The following ZSWIM6 variants were observed in gnomAD, a reference collection of about 807,000 sequenced individuals.
ZSWIM6 encodes the protein zinc finger SWIM domain-containing protein 6.
ZSWIM6 carries 9 observed loss-of-function variants against 113.2 expected under a neutral mutation model. The ratio of observed to expected loss-of-function variants is 0.08; its 90% CI spans 0.05 to 0.14. The LOEUF (loss-of-function observed/expected upper bound fraction) is 0.14, where lower values mean the gene tolerates loss of function less well. ZSWIM6 is among the 10% of genes least tolerant of loss of function. ZSWIM6 has a pLI of 1.00. For synonymous variants in ZSWIM6, 611 were observed against 606.5 expected (o/e 1.01, Z -0.11); for missense variants, 1,162 against 1,552.2 (o/e 0.75, Z 4.22).
In ZSWIM6 at chr5:61,374,986, A is replaced by T. The variant is rs1292846617; in HGVS notation, c.676+42038A>T. 3 of 943,972 alleles carry T rather than the reference A, an allele frequency of 3.2e-6. No individual in the cohort carries two copies. In the East Asian group the frequency reaches 7.9e-5, roughly 25 times the overall value. 58.5% of individuals were successfully genotyped at this position (943,972 alleles called of 1,614,324 possible). On this transcript the variant is annotated intron_variant, in intron 1 of 13. Transcript: ENST00000252744. ...CTAAAATTAATATAGAAATGAGCAT[A>T]CAATAATAGGAACACTATGAAAAAG...
At chr5:61,346,119 G>GTT (rs889040869) in intron 1 of ZSWIM6, among the ~76,000 whole-genome samples, 4 of 147,714 alleles carry the variant, frequency 2.7e-5, no homozygotes, top group African/African-American at 7.5e-5. Context: ...TAATTTTTGT[G>GTT]TTTTTTTTTT....
intron 1 of ZSWIM6, among the ~76,000 whole-genome samples, chr5:61,450,081 A>C (rs973818756): frequency 1.3e-5 from 2 of 152,160 alleles, no homozygotes; most frequent in Non-Finnish European, 2.9e-5. Context: ...TATCCCTGTC[A>C]CCACCTCTCA....
At chr5:61,350,984 A>G (rs1289708904) in intron 1 of ZSWIM6, among the ~76,000 whole-genome samples, 1 of 152,218 alleles carries the variant, frequency 6.6e-6, no homozygotes, top group Non-Finnish European at 1.5e-5. Flanking sequence ...GTATTTTTCA[A>G]AAACTCTGTA....
At chr5:61,416,149 T>C (rs1476553154) in intron 1 of ZSWIM6, among the ~76,000 whole-genome samples, 1 of 152,186 alleles carries the variant, frequency 6.6e-6, no homozygotes, top group African/African-American at 2.4e-5. Context: ...CATTCCTTTG[T>C]TGCTGAATTA....
intron 1 of ZSWIM6, chr5:61,391,803 C>A: frequency 1.2e-6 from 1 of 868,216 alleles, no homozygotes; most frequent in Admixed American, 2.1e-5. Flanking sequence ...CATGATGCTT[C>A]CTGCTGCGCT....
chr5:61,497,304 T>C (rs568269886), intron 4 of ZSWIM6, among the ~76,000 whole-genome samples: 1 of 152,264 alleles, frequency 6.6e-6, no homozygotes, highest in Admixed American at 6.5e-5. Context: ...CCTGCTTACA[T>C]GTGATCTATG....
At chr5:61,416,589 A>G (rs903580544) in intron 1 of ZSWIM6, among the ~76,000 whole-genome samples, 6 of 152,218 alleles carry the variant, frequency 3.9e-5, no homozygotes, top group African/African-American at 1.4e-4. Context: ...TGCCAATGAG[A>G]TGAATCAAAG....
intron 1 of ZSWIM6, among the ~76,000 whole-genome samples, chr5:61,458,773 G>A (rs1379586786): frequency 6.6e-6 from 1 of 151,838 alleles, no homozygotes; most frequent in East Asian, 1.9e-4. Flanking sequence ...AGCTACTCGG[G>A]AGGCTGAGGC....
chr5:61,469,716 T>C (rs534606448), intron 1 of ZSWIM6, among the ~76,000 whole-genome samples: 3 of 152,240 alleles, frequency 2.0e-5, no homozygotes, highest in South Asian at 2.1e-4. Context: ...ACCTTTTTTT[T>C]TTAGACAGAG....
At chr5:61,464,219 C>T (rs1284491271) in intron 1 of ZSWIM6, among the ~76,000 whole-genome samples, 1 of 121,282 alleles carries the variant, frequency 8.2e-6, no homozygotes, top group Non-Finnish European at 1.6e-5. Context: ...GAGGTATCTC[C>T]ATGTTGGCCA....
chr5:61,399,172 G>C (rs970459600), intron 1 of ZSWIM6, among the ~76,000 whole-genome samples: 2 of 150,076 alleles, frequency 1.3e-5, no homozygotes, highest in African/African-American at 4.9e-5. Context: ...TGATCCACCC[G>C]CCTCAGCCTC....
intron 10 of ZSWIM6, among the ~76,000 whole-genome samples, chr5:61,538,211 G>T (rs932243546): frequency 3.3e-5 from 5 of 152,250 alleles, no homozygotes; most frequent in African/African-American, 1.2e-4. Context: ...TTTATCTTCT[G>T]TAATATGGTT....
chr5:61,527,633 A>C (rs943587647), intron 7 of ZSWIM6, among the ~76,000 whole-genome samples: 3 of 152,184 alleles, frequency 2.0e-5, no homozygotes, highest in Non-Finnish European at 4.4e-5. Context: ...TTTTTCTGAA[A>C]TCCTTCTTCC....
At chr5:61,374,433 T>G (rs1745326045) in intron 1 of ZSWIM6, among the ~76,000 whole-genome samples, 1 of 152,234 alleles carries the variant, frequency 6.6e-6, no homozygotes, top group Admixed American at 6.5e-5. Flanking sequence ...CATTATTGCC[T>G]GTGAGGAAGA....
chr5:61,397,634 A>T (rs530185396), intron 1 of ZSWIM6, among the ~76,000 whole-genome samples: 1 of 152,324 alleles, frequency 6.6e-6, no homozygotes, highest in South Asian at 2.1e-4. Context: ...CACATTGAAA[A>T]TTATAATCAA....
chr5:61,539,682 G>T lies in ZSWIM6; in HGVS notation c.2626G>T (p.Ala876Ser). 6.4e-7 allele frequency: 1 copy of T among 1,551,880 alleles called. No homozygotes were observed. The change falls in exon 12 of 14, where the codon GCA (alanine) becomes TCA (serine). Residue 876 changes from alanine (A) to serine (S), a missense_variant. This residue lies in a region of ZSWIM6 where 620 missense variants were observed against 804.6 expected (regional missense o/e 0.77). Transcript: ENST00000252744. ...ACACATCTTCAAGCTTGCCCAAGAT[G>T]CATTTAAAATAGCAACTCTCATGGA... ...SSHIFKLAQD[A>S]FKIATLMDSL...
rs1054832645 is a variant in ZSWIM6, at chr5:61,530,223, T to C, written c.1984+25T>C. ...GGTAAAACCATTGACATTTGTCTCA[T>C]GTGCTTTTCTTTTTCTAAACCCTGA... On this transcript the variant is annotated intron_variant, in intron 8 of 13. Coordinates refer to ENST00000252744, the MANE Select transcript of ZSWIM6 (RefSeq NM_020928.2). 2.6e-5 allele frequency: 40 copies of C among 1,529,228 alleles called. No homozygotes were observed. The African/African-American group carries it at 5.1e-4, about 20-fold the overall frequency. The allele number at this position is 1,529,228 out of a possible 1,614,324, so 94.7% of individuals were successfully genotyped here. A position where few individuals can be genotyped will look rare whatever the true frequency, so the allele number is the denominator to read the frequency against.
At chr5:61,366,421 C>G (rs1745153558) in intron 1 of ZSWIM6, among the ~76,000 whole-genome samples, 2 of 152,146 alleles carry the variant, frequency 1.3e-5, no homozygotes, top group South Asian at 4.1e-4. Flanking sequence ...TTCTTCAAAC[C>G]TCACAAAGAA....
At chr5:61,510,368 A>C (rs1158043651) in intron 4 of ZSWIM6, among the ~76,000 whole-genome samples, 1 of 151,966 alleles carries the variant, frequency 6.6e-6, no homozygotes, top group Non-Finnish European at 1.5e-5. Context: ...GAAGTAACCA[A>C]ATGGCTTGCC....
Sources: allele counts gnomAD v4.1 joint callset (sites outside exome capture counted in the v4.1 genomes callset), GRCh38; gene constraint gnomAD v4.1.1; regional missense constraint gnomAD v4.1.1; transcripts MANE v1.5; gene names NCBI Gene and HGNC (gene_info 2026-07-23, HGNC 2026-07-21).